The following DISP3 variants were observed in gnomAD, a reference collection of about 807,000 sequenced individuals.
DISP3 encodes the protein protein dispatched homolog 3.
In DISP3, 101 loss-of-function variants were observed where a neutral mutation model predicts 135.3. The observed-to-expected ratio is 0.75, with a 90% CI of 0.64 to 0.88. DISP3 has a LOEUF of 0.88. Ranked by LOEUF, DISP3 falls within the 40% of genes least tolerant of loss-of-function variation. The pLI is 0.00. For synonymous variants in DISP3, 856 were observed against 817.0 expected (o/e 1.05, Z -0.81); for missense variants, 1,713 against 1,878.6 (o/e 0.91, Z 1.63).
chr1:11,536,995 G>T lies in DISP3; in HGVS notation c.*309G>T, dbSNP rs983238091. 30 of 394,340 alleles carry T rather than the reference G, an allele frequency of 7.6e-5. No individual in the cohort carries two copies. The highest frequency in any genetic ancestry group is 1.2e-4 in the Non-Finnish European group (26 of 217,748). The allele number at this position is 394,340 out of a possible 1,614,324, so 24.4% of individuals were successfully genotyped here. A position where few individuals can be genotyped will look rare whatever the true frequency, so the allele number is the denominator to read the frequency against. On this transcript the variant is annotated 3_prime_UTR_variant, in exon 21 of 21. Coordinates refer to ENST00000294484, the MANE Select transcript of DISP3 (RefSeq NM_020780.2). The surrounding 1 kb of genome is among the most constrained non-coding windows in gnomAD (Gnocchi z 4.3). ...GGGGGTCAGGTTATTTTTGTAGGGG[G>T]TCTCCCTCTCACACTGCCTCAGTGC...
chr1:11,519,955 C>T lies in DISP3; in HGVS notation c.2200+75C>T, dbSNP rs1230473285. ...AACACACAGGAACTGGGAGCCCACCCCCTCTCGCAGATGCCCCAGGGTCAG... is the reference window on the plus strand; with the variant it reads ...AACACACAGGAACTGGGAGCCCACCTCCTCTCGCAGATGCCCCAGGGTCAG... On this transcript the variant is annotated intron_variant, in intron 9 of 20. Transcript: ENST00000294484. The surrounding 1 kb of genome is among the most constrained non-coding windows in gnomAD (Gnocchi z 4.3). The T allele has an allele frequency of 6.9e-7, 1 of 1,454,310 alleles. No homozygotes were observed. The highest frequency in any genetic ancestry group is 9.3e-7 in the Non-Finnish European group (1 of 1,073,302). The allele number at this position is 1,454,310 out of a possible 1,614,324, so 90.1% of individuals were successfully genotyped here. A position where few individuals can be genotyped will look rare whatever the true frequency, so the allele number is the denominator to read the frequency against.
At position 11,519,843 on chromosome 1, in the gene DISP3, C is replaced by T; in HGVS notation, c.2163C>T (p.Val721=). The T allele has an allele frequency of 6.2e-7, 1 of 1,612,130 alleles. No individual in the cohort carries two copies. Among genetic ancestry groups the T allele is most frequent in the Non-Finnish European group, 8.5e-7 (1 of 1,179,888 alleles). The part of the protein sequence containing the change: ...VQLQELLHHW[V]LWSAVKSRWV... ...TGCAGGAGCTGCTGCACCACTGGGT[C>T]CTGTGGTCAGCCGTCAAGAGCCGCT... The change falls in exon 9 of 21, where the codon GTC becomes GTT. Residue 721 remains valine, a synonymous_variant. Transcript: ENST00000294484. This position sits in a 1 kb window ranked among gnomAD's most constrained non-coding sequence, Gnocchi z 4.3.
At chr1:11,535,668 C>T in intron 20 of DISP3, 24 bp downstream of exon 20, 7 of 1,597,138 alleles carry the variant, frequency 4.4e-6, no homozygotes, top group Non-Finnish European at 6.0e-6. Flanking sequence ...CCGCCTTACC[C>T]ACTTCCCACC....
At chr1:11,513,475 G>A (rs908822425) in intron 3 of DISP3, among the ~76,000 whole-genome samples, 2 of 151,980 alleles carry the variant, frequency 1.3e-5, no homozygotes, top group African/African-American at 4.8e-5. Flanking sequence ...GCCTTCCCAC[G>A]TACCCTGTTT....
At chr1:11,517,358 G>C in intron 6 of DISP3, 105 bp from the exon 7 acceptor site, 1 of 1,464,702 alleles carries the variant, frequency 6.8e-7, no homozygotes, top group South Asian at 1.2e-5. Flanking sequence ...GCCTCAGTCT[G>C]GGCCAGATCT....
chr1:11,501,537 G>T lies in DISP3; in HGVS notation c.545G>T (p.Gly182Val). ...GTCATCCCCGCGGCCTCACTCGGTG[G>T]CCCAGGCCCTTACCGGGACACTTCC... ...PRVIPAASLG[G>V]PGPYRDTSAA... The change falls in exon 2 of 21, where the codon GGC (glycine) becomes GTC (valine). Residue 182 changes from glycine (G) to valine (V), a missense_variant. By Grantham distance (109) the Gly-to-Val change is moderately radical. This residue lies in a region of DISP3 where 571 missense variants were observed against 494.1 expected (regional missense o/e 1.16). Coordinates refer to ENST00000294484, the MANE Select transcript of DISP3 (RefSeq NM_020780.2). This position sits in a 1 kb window ranked among gnomAD's most constrained non-coding sequence, Gnocchi z 4.9. 6.3e-7 allele frequency: 1 copy of T among 1,595,198 alleles called. No homozygotes were observed. The highest frequency in any genetic ancestry group is 8.5e-7 in the Non-Finnish European group (1 of 1,170,100).
intron 10 of DISP3, among the ~76,000 whole-genome samples, chr1:11,522,636 C>CAGGGCCCAGCG (rs1360736386): frequency 5.3e-5 from 6 of 113,632 alleles, no homozygotes; most frequent in Admixed American, 1.8e-4. Flanking sequence ...AGAGCCCAGC[C>CAGGGCCCAGCG]AGAGCCCAGC....
chr1:11,497,640 G>A (rs940807416), intron 1 of DISP3, among the ~76,000 whole-genome samples: 14 of 152,258 alleles, frequency 9.2e-5, no homozygotes, highest in Admixed American at 2.6e-4. Flanking sequence ...CGCCCACCTC[G>A]GCCTCCCAGA....
intron 3 of DISP3, among the ~76,000 whole-genome samples, chr1:11,513,650 G>T (rs1308793134): frequency 6.6e-6 from 1 of 152,128 alleles, no homozygotes; most frequent in African/African-American, 2.4e-5. Context: ...CTGTATCAGT[G>T]GGTTTATAGT....
At chr1:11,534,274 C>A in intron 17 of DISP3, 107 bp from the exon 18 acceptor site, 2 of 1,367,922 alleles carry the variant, frequency 1.5e-6, no homozygotes, top group Non-Finnish European at 2.1e-6. Context: ...CCCTCCCCAA[C>A]ACACGCACCA....
intron 3 of DISP3, among the ~76,000 whole-genome samples, chr1:11,513,015 A>G (rs929602863): frequency 2.0e-5 from 3 of 152,164 alleles, no homozygotes; most frequent in Non-Finnish European, 2.9e-5. Flanking sequence ...CCATGATTCA[A>G]TTACCTCCCC....
Position 11,501,042 on chromosome 1 carries a change from A to G in DISP3, c.50A>G (p.Glu17Gly). 6.2e-7 allele frequency: 1 copy of G among 1,613,834 alleles called. No homozygotes were observed. The highest frequency in any genetic ancestry group is 8.5e-7 in the Non-Finnish European group (1 of 1,180,016). Residue 17 changes from glutamate to glycine, a missense_variant, in exon 2 of 21, where the codon GAG becomes GGG. Glu to Gly is a moderately conservative substitution (Grantham distance 98). Transcript: ENST00000294484. This position sits in a 1 kb window ranked among gnomAD's most constrained non-coding sequence, Gnocchi z 4.9. ...PLLQDVWLEE[E>G]QEEEEATGET... ...CTGCAGGATGTGTGGCTAGAGGAGGAGCAGGAGGAGGAAGAAGCAACGGGT... is the reference window on the plus strand; with the variant it reads ...CTGCAGGATGTGTGGCTAGAGGAGGGGCAGGAGGAGGAAGAAGCAACGGGT...
At chr1:11,534,774 C>A in intron 18 of DISP3, 1 of 771,892 alleles carries the variant, frequency 1.3e-6, no homozygotes, top group African/African-American at 1.7e-5. Context: ...AAGTAACAGT[C>A]ATGACCATGA....
Position 11,520,672 on chromosome 1 carries a change from G to A in DISP3, c.2201-15G>A, listed in dbSNP as rs753797845. 8.7e-6 allele frequency: 14 copies of A among 1,611,322 alleles called. No homozygotes were observed. The highest frequency in any genetic ancestry group is 6.7e-5 in the African/African-American group (5 of 74,940). ...TGGGCCCAGCCCCGCCTGGTGTAGCGCCCTTTCCTCACAGGGCTGTTCGTC... is the reference window on the plus strand; with the variant it reads ...TGGGCCCAGCCCCGCCTGGTGTAGCACCCTTTCCTCACAGGGCTGTTCGTC... On this transcript the variant is annotated splice_polypyrimidine_tract_variant and intron_variant, in intron 9 of 20. Transcript: ENST00000294484. The surrounding 1 kb of genome is among the most constrained non-coding windows in gnomAD (Gnocchi z 4.8).
At chr1:11,502,628 G>C in intron 2 of DISP3, 50 bp from the exon 3 acceptor site, 1 of 1,471,616 alleles carries the variant, frequency 6.8e-7, no homozygotes, top group Non-Finnish European at 9.4e-7. Flanking sequence ...GGGAGGGTTG[G>C]TGGGAGCTGA....
chr1:11,498,479 G>A (rs1361217768), intron 1 of DISP3, among the ~76,000 whole-genome samples: 9 of 152,160 alleles, frequency 5.9e-5, no homozygotes, highest in Non-Finnish European at 8.8e-5. Flanking sequence ...ATGAGCGTCC[G>A]AAGAGAGCCA....
chr1:11,531,829 G>A lies in DISP3; in HGVS notation c.3375+119G>A. ...ATGCTGAGGCCCAGAGAGGTGGAGT[G>A]ACTTGCCTGAGGTCACATAGTTAGT... On this transcript the variant is annotated intron_variant, in intron 17 of 20. Coordinates refer to ENST00000294484, the MANE Select transcript of DISP3 (RefSeq NM_020780.2). The surrounding 1 kb of genome is among the most constrained non-coding windows in gnomAD (Gnocchi z 5.2). 1 of 1,393,496 alleles carries A rather than the reference G, an allele frequency of 7.2e-7. No homozygotes were observed. Among genetic ancestry groups the A allele is most frequent in the South Asian group, 1.5e-5 (1 of 67,970 alleles). The allele number at this position is 1,393,496 out of a possible 1,614,324, so 86.3% of individuals were successfully genotyped here.
At chr1:11,492,303 T>C (rs1057290686) in intron 1 of DISP3, among the ~76,000 whole-genome samples, 3 of 152,172 alleles carry the variant, frequency 2.0e-5, no homozygotes, top group Admixed American at 6.5e-5. Context: ...GTGGCTGTTG[T>C]GCCCATGAAC....
At position 11,531,452 on chromosome 1, in the gene DISP3, G is replaced by A; in HGVS notation, c.3230-113G>A. On this transcript the variant is annotated intron_variant, in intron 16 of 20. Coordinates refer to ENST00000294484, the MANE Select transcript of DISP3 (RefSeq NM_020780.2). The surrounding 1 kb of genome is among the most constrained non-coding windows in gnomAD (Gnocchi z 5.2). ...AGGTTTCCCAATGCCGTTGCCAATG[G>A]TTACAAGCACTCTAAGCCTCAGAGG... 1 of 1,486,120 alleles carries A rather than the reference G, an allele frequency of 6.7e-7. No individual in the cohort carries two copies. The highest frequency in any genetic ancestry group is 9.3e-7 in the Non-Finnish European group (1 of 1,078,122). The allele number at this position is 1,486,120 out of a possible 1,614,324, so 92.1% of individuals were successfully genotyped here. A position where few individuals can be genotyped will look rare whatever the true frequency, so the allele number is the denominator to read the frequency against.
Sources: gnomAD v4.1 joint callset for allele counts (sites outside exome capture counted in the v4.1 genomes callset) on GRCh38, gnomAD v4.1.1 for gene constraint, gnomAD v4.1.1 regional missense constraint, Gnocchi (gnomAD v3.1) non-coding constraint, MANE v1.5 for transcripts, NCBI Gene and HGNC (gene_info 2026-07-23, HGNC 2026-07-21) for gene names.